The following FRMD4A variants were observed in gnomAD, a reference collection of about 807,000 sequenced individuals.
FRMD4A encodes the protein FERM domain containing 4A.
Under a neutral mutation model 129.1 loss-of-function variants are expected in FRMD4A, and 29 were observed. The observed-to-expected ratio is 0.22, with a 90% confidence interval of 0.17 to 0.31. The LOEUF (loss-of-function observed/expected upper bound fraction) is 0.31. FRMD4A is among the 10% of genes least tolerant of loss of function. The pLI is 1.00. For synonymous variants in FRMD4A, 634 were observed against 571.6 expected (o/e 1.11, Z -1.56); for missense variants, 1,272 against 1,375.8 (o/e 0.92, Z 1.19).
At chr10:14,238,308 G>A (rs958196618) in intron 2 of FRMD4A, among the ~76,000 whole-genome samples, 7 of 152,092 alleles carry the variant, frequency 4.6e-5, no homozygotes, top group Non-Finnish European at 7.4e-5. Context: ...AAAATGTTCC[G>A]GCACTACATG....
intron 2 of FRMD4A, among the ~76,000 whole-genome samples, chr10:13,954,239 C>A (rs930479040): frequency 1.3e-5 from 2 of 152,138 alleles, no homozygotes; most frequent in African/African-American, 2.4e-5. Flanking sequence ...TCTCACACTG[C>A]TGATAAAGAC....
chr10:13,728,381 C>T (rs2090062159), intron 12 of FRMD4A, among the ~76,000 whole-genome samples: 1 of 151,846 alleles, frequency 6.6e-6, no homozygotes, highest in Non-Finnish European at 1.5e-5. Context: ...GGTATCCTGC[C>T]TCCTGGACCC....
At chr10:14,041,038 C>T (rs72776633) in intron 2 of FRMD4A, among the ~76,000 whole-genome samples, 2,898 of 152,238 alleles carry the variant, frequency 0.019, 35 homozygotes, top group East Asian at 0.046. Context: ...TATATAACTC[C>T]CCTGAGAGAA....
chr10:14,098,875 A>G (rs1387493638), intron 2 of FRMD4A, among the ~76,000 whole-genome samples: 1 of 152,144 alleles, frequency 6.6e-6, no homozygotes, highest in African/African-American at 2.4e-5. Flanking sequence ...GGGCGTGCAT[A>G]TGAACTTTGG....
In FRMD4A at chr10:13,836,460, T is replaced by C. The variant is rs182605427; in HGVS notation, c.111+22387A>G. ...GAAGGAAAAAGAGGTGGTACAGAAA[T>C]TGACAATTCTTTGGGGGGCGCGGGG... On this transcript the variant is annotated intron_variant, in intron 3 of 24. Transcript: ENST00000357447. 3.0e-4 allele frequency among the ~76,000 whole-genome samples: 46 copies of C among 152,220 alleles called. No homozygotes were observed. The East Asian group carries it at 7.1e-3, about 24-fold the overall frequency.
chr10:13,923,869 C>A (rs560170188), intron 2 of FRMD4A, among the ~76,000 whole-genome samples: 58 of 152,240 alleles, frequency 3.8e-4, no homozygotes, highest in Admixed American at 7.8e-4. Context: ...GAACATGGCA[C>A]CACCCTGTTT....
chr10:13,718,203 C>T (rs138859718), intron 12 of FRMD4A, among the ~76,000 whole-genome samples: 1 of 152,360 alleles, frequency 6.6e-6, no homozygotes, highest in Non-Finnish European at 1.5e-5. Context: ...CACGCGTGAG[C>T]TCCAGGCTCC....
intron 12 of FRMD4A, among the ~76,000 whole-genome samples, chr10:13,721,963 C>T (rs1037581437): frequency 1.3e-5 from 2 of 152,142 alleles, no homozygotes; most frequent in Non-Finnish European, 2.9e-5. Flanking sequence ...AACGTGAGGA[C>T]GGAGAGAGGC....
intron 2 of FRMD4A, among the ~76,000 whole-genome samples, chr10:13,996,936 G>A (rs991728473): frequency 1.3e-5 from 2 of 151,570 alleles, no homozygotes; most frequent in Non-Finnish European, 1.5e-5. Context: ...ACTCAGCTGG[G>A]TTATGAAGCC....
chr10:13,826,745 G>C (rs2093706880), intron 3 of FRMD4A, among the ~76,000 whole-genome samples: 1 of 152,152 alleles, frequency 6.6e-6, no homozygotes, highest in South Asian at 2.1e-4. Context: ...GGCTAGAAGA[G>C]TAATGAAAAA....
intron 2 of FRMD4A, among the ~76,000 whole-genome samples, chr10:14,053,686 G>C (rs949118878): frequency 1.3e-5 from 2 of 152,086 alleles, no homozygotes; most frequent in Non-Finnish European, 2.9e-5. Flanking sequence ...GGTTACACTT[G>C]CTTTGTTGAT....
Position 13,796,546 on chromosome 10 carries a change from T to A in FRMD4A, c.249A>T (p.Glu83Asp). The A allele has an allele frequency of 6.2e-7, 1 of 1,604,202 alleles. No homozygotes were observed. Among genetic ancestry groups the A allele is most frequent in the Non-Finnish European group, 8.5e-7 (1 of 1,170,934 alleles). Residue 83 changes from glutamate to aspartate, a missense_variant, in exon 5 of 25, where the codon GAA becomes GAT. Around this residue, in one of 2 missense-constraint regions of FRMD4A, gnomAD observed 300 missense variants for 483.6 expected, o/e 0.62. Transcript: ENST00000357447. ...GTCCTGACTTTTTAGGGAAGTCATG[T>A]TCCAATACTCTTCGATCTAGCTGAA... ...NWLQLDRRVL[E>D]HDFPKKSGPV...
chr10:13,980,701 C>G (rs1204600597), intron 2 of FRMD4A, among the ~76,000 whole-genome samples: 1 of 152,160 alleles, frequency 6.6e-6, no homozygotes, highest in African/African-American at 2.4e-5. Context: ...GCTTGGGCAA[C>G]AGAGTGAGAC....
intron 2 of FRMD4A, among the ~76,000 whole-genome samples, chr10:14,227,243 CTTTTTTTTTTTTT>C (rs10674411): frequency 1.6e-5 from 1 of 64,100 alleles, no homozygotes; most frequent in African/African-American, 6.2e-5. Context: ...TCTTCTTCTT[CTTTTTTTTTTTTT>C]TTTTTTTTTT....
rs150756936 is a variant in FRMD4A at position 13,738,767 on chromosome 10, C to T, written c.673-837G>A. 0.01 allele frequency among the ~76,000 whole-genome samples: 1,538 copies of T among 152,174 alleles called. 59 individuals are homozygous for T. The South Asian group carries it at 0.12, about 12-fold the overall frequency. ...TCCCAAGTAGCTGGGATTACAGGCA[C>T]GTGCCACCACGTCTGGCTAATTTTT... On this transcript the variant is annotated intron_variant, in intron 11 of 24. Coordinates refer to ENST00000357447, the MANE Select transcript of FRMD4A (RefSeq NM_018027.5).
chr10:14,190,361 CTGTT>C (rs1564375374), intron 2 of FRMD4A, among the ~76,000 whole-genome samples: 4 of 152,124 alleles, frequency 2.6e-5, no homozygotes, highest in Admixed American at 6.6e-5. Context: ...ACCGGGTTTT[CTGTT>C]TGTTTGTTTT....
chr10:14,003,065 A>G (rs2095648391), intron 2 of FRMD4A, among the ~76,000 whole-genome samples: 1 of 152,160 alleles, frequency 6.6e-6, no homozygotes, highest in East Asian at 1.9e-4. Flanking sequence ...GACGAGTGAC[A>G]CAATCACCCC....
At chr10:14,289,515 T>C (rs1487458153) in intron 2 of FRMD4A, among the ~76,000 whole-genome samples, 1 of 152,196 alleles carries the variant, frequency 6.6e-6, no homozygotes, top group Non-Finnish European at 1.5e-5. Flanking sequence ...GAGTTCCTTA[T>C]ATATTTTGGA....
At chr10:14,290,434 C>G (rs1012245686) in intron 2 of FRMD4A, among the ~76,000 whole-genome samples, 1 of 152,028 alleles carries the variant, frequency 6.6e-6, no homozygotes, top group African/African-American at 2.4e-5. Flanking sequence ...TATTTATATA[C>G]AGTCAACTGA....
Sources: gnomAD v4.1 joint callset for allele counts (sites outside exome capture counted in the v4.1 genomes callset) on GRCh38, gnomAD v4.1.1 for gene constraint, gnomAD v4.1.1 regional missense constraint, MANE v1.5 for transcripts, NCBI Gene and HGNC (gene_info 2026-07-23, HGNC 2026-07-21) for gene names.